PEAK1: variants seen among roughly 807,000 people sequenced by gnomAD.
The protein encoded by PEAK1 is inactive tyrosine-protein kinase PEAK1.
In PEAK1, 54 loss-of-function variants were observed where a neutral mutation model predicts 124.7. That is an observed-to-expected ratio of 0.43 (90% confidence interval 0.35 to 0.54). The LOEUF (loss-of-function observed/expected upper bound fraction) is 0.54, where lower values mean the gene tolerates loss of function less well. PEAK1 is among the 20% of genes least tolerant of loss of function. PEAK1 has a pLI of 0.01. For synonymous variants in PEAK1, 719 were observed against 760.0 expected, an observed-to-expected ratio of 0.95 and a Z score of 0.89; for missense variants, 2,046 against 2,134.5, an observed-to-expected ratio of 0.96 and a Z score of 0.82.
At chr15:77,132,924 A>G in intron 9 of PEAK1, 81 bp downstream of exon 9, 1 of 1,386,194 alleles carries the variant, frequency 7.2e-7, no homozygotes, top group Non-Finnish European at 9.9e-7. Context: ...TGAAGGAAAG[A>G]AAGGAGAAAA....
At chr15:77,147,895 C>T (rs182266488) in intron 8 of PEAK1, among the ~76,000 whole-genome samples, 1 of 152,342 alleles carries the variant, frequency 6.6e-6, no homozygotes, top group Admixed American at 6.5e-5. Context: ...TATATCTTCA[C>T]TGTCTAATGC....
intron 1 of PEAK1, among the ~76,000 whole-genome samples, chr15:77,392,731 G>A (rs1287900907): frequency 1.3e-5 from 2 of 152,072 alleles, no homozygotes; most frequent in Admixed American, 1.3e-4. Context: ...GGAGTAAGAT[G>A]GTCAAATAGA....
At chr15:77,402,229 A>C in intron 1 of PEAK1, 2 of 984,978 alleles carry the variant, frequency 2.0e-6, no homozygotes, top group Non-Finnish European at 2.4e-6. Flanking sequence ...TACAACAACA[A>C]ACAGTAAAAT....
intron 5 of PEAK1, among the ~76,000 whole-genome samples, chr15:77,266,628 T>G (rs2061748597): frequency 6.6e-6 from 1 of 152,118 alleles, no homozygotes; most frequent in South Asian, 2.1e-4. Flanking sequence ...ATAACTTGAA[T>G]GAGAAAAGAC....
chr15:77,272,173 C>T (rs961113611), intron 5 of PEAK1, among the ~76,000 whole-genome samples: 44 of 152,170 alleles, frequency 2.9e-4, no homozygotes, highest in African/African-American at 1.0e-3. Flanking sequence ...TGAAGGAGCA[C>T]AGACAATCTA....
At chr15:77,287,419 C>T (rs1044868054) in intron 2 of PEAK1, among the ~76,000 whole-genome samples, 3 of 152,164 alleles carry the variant, frequency 2.0e-5, no homozygotes, top group South Asian at 2.1e-4. Flanking sequence ...CAAACTTAAA[C>T]GTTTATTATC....
Position 77,158,826 on chromosome 15 carries a change from C to T in PEAK1, c.3138-130G>A, listed in dbSNP as rs530737703. ...TAGTCACAATACACTTGTCTGAACA[C>T]AAGGCAGTACTTCATTTAGGCAGAT... is the stretch of plus-strand genomic sequence containing the variant. On this transcript the variant is annotated intron_variant, in intron 7 of 9. Transcript: ENST00000682557. 61 of 809,268 alleles carry T rather than the reference C, an allele frequency of 7.5e-5. 1 individual carries two copies. In the South Asian group the frequency reaches 9.9e-4, roughly 13 times the overall value. 50.1% of individuals were successfully genotyped at this position (809,268 alleles called of 1,614,324 possible).
In PEAK1 at chr15:77,114,515, T is replaced by C. The variant is rs764762862; in HGVS notation, c.4882A>G (p.Ile1628Val). 2.5e-6 allele frequency: 4 copies of C among 1,613,908 alleles called. No homozygotes were observed. The highest frequency in any genetic ancestry group is 3.4e-6 in the Non-Finnish European group (4 of 1,179,984). Residue 1628 changes from isoleucine (I) to valine (V), a missense_variant, in exon 10 of 10, where the codon ATC becomes GTC. Physicochemically the swap from Ile to Val is conservative, Grantham distance 29. Transcript: ENST00000682557. ...REYTRADLPR[I>V]PFRSPYSRGL... is the part of the protein sequence containing the mutation. ...CGGGAGTAGGGGGAGCGGAATGGGA[T>C]GCGAGGCAGGTCTGCTCGTGTGTAT...
At position 77,133,749 on chromosome 15, in the gene PEAK1, C is replaced by T; in HGVS notation, c.3333G>A (p.Gly1111=). ...NPCSATYSNL[G]QSRAAMIPPK... ...GAGGTATCATGGCTGCTCTAGATTG[C>T]CCTGTATTGTTTTTAAAGCAATAAA... Residue 1111 remains glycine (G), a splice_region_variant and synonymous_variant, in exon 9 of 10, where the codon GGG becomes GGA. Coordinates refer to ENST00000682557, the MANE Select transcript of PEAK1 (RefSeq NM_001385026.1). The surrounding 1 kb of genome is among the most constrained non-coding windows in gnomAD (Gnocchi z 4.2). The T allele has an allele frequency of 6.4e-7, 1 of 1,559,846 alleles. No homozygotes were observed. The highest frequency in any genetic ancestry group is 8.6e-7 in the Non-Finnish European group (1 of 1,157,464).
intron 2 of PEAK1, among the ~76,000 whole-genome samples, chr15:77,353,260 G>C (rs188982603): frequency 2.6e-5 from 4 of 152,336 alleles, no homozygotes; most frequent in Non-Finnish European, 5.9e-5. Flanking sequence ...GTTACCAACA[G>C]ACTGTGGTAG....
chr15:77,365,050 T>C (rs2068129814), intron 2 of PEAK1, 113 bp downstream of exon 2: 2 of 205,796 alleles, frequency 9.7e-6, no homozygotes, highest in African/African-American at 4.7e-5. Flanking sequence ...AACTTTCCTA[T>C]TAAAACACTC....
At chr15:77,346,290 A>G in intron 2 of PEAK1, 3 of 943,304 alleles carry the variant, frequency 3.2e-6, no homozygotes, top group South Asian at 9.8e-5. Flanking sequence ...TTCAAATTGC[A>G]GCAGCAGGTC....
At position 77,179,104 on chromosome 15, in the gene PEAK1, ATCC is replaced by A. The variant is rs751040111; in HGVS notation, c.2820_2822del (p.Glu940del). On this transcript the variant is annotated inframe_deletion, in exon 7 of 10. Transcript: ENST00000682557. ...CTTTCTCTCGCTCTTTCTCTTTGTC[ATCC>A]TCCTCATCTGTTTTCCGACGGCGGA... The A allele has an allele frequency of 3.7e-6, 6 of 1,613,906 alleles. No individual in the cohort carries two copies. Among genetic ancestry groups the A allele is most frequent in the East Asian group, 4.5e-5 (2 of 44,882 alleles).
chr15:77,340,528 T>C (rs554659774), intron 2 of PEAK1, among the ~76,000 whole-genome samples: 2 of 152,294 alleles, frequency 1.3e-5, no homozygotes, highest in South Asian at 4.1e-4. Flanking sequence ...TCTGCTTGAA[T>C]GGAATATCTA....
chr15:77,218,759 TA>T (rs1404929396), intron 6 of PEAK1, among the ~76,000 whole-genome samples: 8 of 152,232 alleles, frequency 5.3e-5, no homozygotes, highest in Admixed American at 4.6e-4. Context: ...TATTTTGCAT[TA>T]TTTTTTTTCC....
chr15:77,188,126 TTTC>T (rs1239503777), intron 6 of PEAK1, among the ~76,000 whole-genome samples: 8 of 152,338 alleles, frequency 5.3e-5, no homozygotes, highest in African/African-American at 1.7e-4. Flanking sequence ...TAAAAGGGAC[TTTC>T]TTGAGATCTG....
At chr15:77,229,665 G>A (rs1035048066) in intron 6 of PEAK1, among the ~76,000 whole-genome samples, 1 of 59,542 alleles carries the variant, frequency 1.7e-5, no homozygotes, top group Admixed American at 1.8e-4. Context: ...TTTTTTTTTT[G>A]AGATGTAGTT....
At position 77,382,880 on chromosome 15, in the gene PEAK1, T is replaced by C. The variant is rs1312526197; in HGVS notation, c.-665-17655A>G. On this transcript the variant is annotated intron_variant, in intron 1 of 9. Transcript: ENST00000682557. Reference sequence around the variant, plus strand: ...TCAATCTGACCCCAAAAATGAACTTTTATGAATATTCAGACTACTACTAAA... The same window carrying C: ...TCAATCTGACCCCAAAAATGAACTTCTATGAATATTCAGACTACTACTAAA... 2.6e-5 allele frequency among the ~76,000 whole-genome samples: 4 copies of C among 152,302 alleles called. 1 individual carries two copies. Among genetic ancestry groups the C allele is most frequent in the South Asian group, 2.1e-4 (1 of 4,828 alleles).
At chr15:77,346,497 T>A in intron 2 of PEAK1, 4 of 985,428 alleles carry the variant, frequency 4.1e-6, no homozygotes, top group Non-Finnish European at 4.8e-6. Flanking sequence ...TTTTCCTACC[T>A]GCTAATTGCT....
Sources: allele counts gnomAD v4.1 joint callset (sites outside exome capture counted in the v4.1 genomes callset), GRCh38; gene constraint gnomAD v4.1.1; non-coding constraint Gnocchi (gnomAD v3.1); transcripts MANE v1.5; gene names NCBI Gene and HGNC (gene_info 2026-07-23, HGNC 2026-07-21).